Variants in PDIA4 observed in about 807,000 individuals in gnomAD.
PDIA4 encodes the protein protein disulfide isomerase family A member 4.
Under a neutral mutation model 62.1 loss-of-function variants are expected in PDIA4, and 33 were observed. The ratio of observed to expected loss-of-function variants is 0.53; its 90% confidence interval spans 0.40 to 0.71. PDIA4 has a LOEUF of 0.71. Ranked by LOEUF, PDIA4 falls within the 30% of genes least tolerant of loss-of-function variation. The pLI is 0.00. For missense variants in PDIA4, 804 were observed against 813.6 expected, an observed-to-expected ratio of 0.99 and a Z score of 0.14; for synonymous variants, 341 against 324.1, an observed-to-expected ratio of 1.05 and a Z score of -0.56.
intron 1 of PDIA4, among the ~76,000 whole-genome samples, chr7:149,027,278 T>C (rs564778825): frequency 6.6e-5 from 10 of 152,362 alleles, no homozygotes; most frequent in African/African-American, 1.7e-4. Flanking sequence ...AGTCCCGCTA[T>C]CGGATTCCTT....
chr7:149,009,436 C>T (rs1219811211), intron 6 of PDIA4, among the ~76,000 whole-genome samples: 1 of 152,244 alleles, frequency 6.6e-6, no homozygotes, highest in Non-Finnish European at 1.5e-5. Flanking sequence ...GAGCAGCACA[C>T]AGTCCTATAT....
At chr7:149,022,527 G>A (rs1194347446) in intron 1 of PDIA4, among the ~76,000 whole-genome samples, 2 of 152,134 alleles carry the variant, frequency 1.3e-5, no homozygotes, top group Non-Finnish European at 2.9e-5. Flanking sequence ...TTTCATTAAC[G>A]CTGAAGCCAG....
chr7:149,012,293 G>C lies in PDIA4; in HGVS notation c.682C>G (p.Pro228Ala), dbSNP rs763122880. The C allele has an allele frequency of 2.3e-5, 37 of 1,614,130 alleles. No homozygotes were observed. The highest frequency in any genetic ancestry group is 3.1e-5 in the Non-Finnish European group (37 of 1,180,016). Residue 228 changes from proline (P) to alanine (A), a missense_variant, in exon 5 of 10, where the codon CCT becomes GCT. By Grantham distance (27) the Pro-to-Ala change is conservative. Transcript: ENST00000652332. The stretch of plus-strand genomic sequence containing the variant: ...TCGACCTTTGCCAGGGGAATTGGAG[G>C]AGAACGCTTGCTGAGCTCCTTGGCG... ...KAAKELSKRS[P>A]PIPLAKVDAT...
At chr7:149,013,870 G>A (rs922949213) in intron 4 of PDIA4, among the ~76,000 whole-genome samples, 5 of 152,072 alleles carry the variant, frequency 3.3e-5, no homozygotes, top group Admixed American at 6.6e-5. Context: ...GCTCCTGAGC[G>A]AGCCACAAAG....
chr7:149,028,469 G>C lies in PDIA4; in HGVS notation c.-61C>G. The C allele has an allele frequency of 4.1e-6, 5 of 1,207,240 alleles. 1 individual carries two copies. In the South Asian group the frequency reaches 7.6e-5, roughly 18 times the overall value. 74.8% of individuals were successfully genotyped at this position (1,207,240 alleles called of 1,614,324 possible). ...CGGCCGCTGAGCGCACCGAGAACTCGGGGTCTGGCCGACAGCCCGTCGCTC... is the reference window on the plus strand; with the variant it reads ...CGGCCGCTGAGCGCACCGAGAACTCCGGGTCTGGCCGACAGCCCGTCGCTC... On this transcript the variant is annotated 5_prime_UTR_variant, in exon 1 of 10. Transcript: ENST00000652332.
chr7:149,025,968 C>A (rs1177763814), intron 1 of PDIA4, among the ~76,000 whole-genome samples: 1 of 152,100 alleles, frequency 6.6e-6, no homozygotes, highest in Non-Finnish European at 1.5e-5. Context: ...GAAAGCCCTG[C>A]AACCGGAGGC....
chr7:149,008,034 A>G, intron 7 of PDIA4, 125 bp downstream of exon 7: 1 of 896,730 alleles, frequency 1.1e-6, no homozygotes, highest in Non-Finnish European at 1.7e-6. Context: ...ACGGGCTGGA[A>G]AAGGAGTTCC....
Position 149,003,713 on chromosome 7 carries a change from T to C in PDIA4, c.*81A>G. On this transcript the variant is annotated 3_prime_UTR_variant, in exon 10 of 10. Transcript: ENST00000652332. The stretch of plus-strand genomic sequence containing the variant: ...AAGGAATCCGAGATACTGTCGTTTG[T>C]TGCCGGCCTCGGCGTGGACGCCCCG... 9.1e-7 allele frequency: 1 copy of C among 1,103,984 alleles called. No homozygotes were observed. 68.4% of individuals were successfully genotyped at this position (1,103,984 alleles called of 1,614,324 possible).
intron 1 of PDIA4, among the ~76,000 whole-genome samples, chr7:149,022,844 T>C (rs944837998): frequency 6.6e-6 from 1 of 152,130 alleles, no homozygotes; most frequent in African/African-American, 2.4e-5. Flanking sequence ...TGTCAACATG[T>C]ACCAATCTGC....
chr7:149,028,280 C>G (rs1479429027), intron 1 of PDIA4, 41 bp downstream of exon 1: 1 of 1,437,720 alleles, frequency 7.0e-7, no homozygotes, highest in East Asian at 2.6e-5. Context: ...CTCTGCAGCC[C>G]CCGCAAGCAC....
intron 3 of PDIA4, among the ~76,000 whole-genome samples, chr7:149,017,408 AC>A (rs1225356971): frequency 6.6e-6 from 1 of 152,030 alleles, no homozygotes; most frequent in Non-Finnish European, 1.5e-5. Flanking sequence ...ACATGGAGAA[AC>A]CCCGTCTCTA....
intron 2 of PDIA4, among the ~76,000 whole-genome samples, chr7:149,020,214 G>A (rs537003559): frequency 1.6e-4 from 24 of 152,254 alleles, no homozygotes; most frequent in Non-Finnish European, 2.9e-4. Context: ...GCCCGCCTTG[G>A]CCTCCCAAAG....
intron 6 of PDIA4, among the ~76,000 whole-genome samples, chr7:149,009,473 A>T (rs1301618060): frequency 6.6e-6 from 1 of 152,006 alleles, no homozygotes; most frequent in East Asian, 1.9e-4. Flanking sequence ...CACACCCAGC[A>T]CCCTTCGTGG....
rs1823957271 is a variant in PDIA4 at position 149,011,897 on chromosome 7, C to CGAT, written c.925_927dup (p.Ile309dup). The CGAT allele has an allele frequency of 6.2e-7, 1 of 1,605,376 alleles. No homozygotes were observed. The highest frequency in any genetic ancestry group is 1.3e-5 in the African/African-American group (1 of 74,690). On this transcript the variant is annotated inframe_insertion, in exon 6 of 10. Coordinates refer to ENST00000652332, the MANE Select transcript of PDIA4 (RefSeq NM_004911.5). ...GGGTCACTCTCCCCCTTAAAGACCC[C>CGAT]GATGATGATGACATCGTCTCCATCC...
rs540541761 is a variant in PDIA4 at position 149,005,501 on chromosome 7, T to C, written c.1289-127A>G. 145 of 656,916 alleles carry C rather than the reference T, an allele frequency of 2.2e-4. 1 individual carries two copies. The South Asian group carries it at 2.5e-3, about 11-fold the overall frequency. 40.7% of individuals were successfully genotyped at this position (656,916 alleles called of 1,614,324 possible). A position where few individuals can be genotyped will look rare whatever the true frequency, so the allele number is the denominator to read the frequency against. ...TGCTCAAACCCTGGATTTACCTCAA[T>C]TGGAGGGAAACATGTTTCTGGAAAA... On this transcript the variant is annotated intron_variant, in intron 8 of 9. Transcript: ENST00000652332.
At chr7:149,022,864 A>G (rs1824404296) in intron 1 of PDIA4, among the ~76,000 whole-genome samples, 1 of 152,180 alleles carries the variant, frequency 6.6e-6, no homozygotes, top group African/African-American at 2.4e-5. Flanking sequence ...CAAACTTTAC[A>G]AAAAAGCCAA....
At position 149,021,123 on chromosome 7, in the gene PDIA4, A is replaced by G. The variant is rs1481203442; in HGVS notation, c.113T>C (p.Ile38Thr). Residue 38 changes from isoleucine to threonine, a missense_variant, in exon 2 of 10, where the codon ATT (isoleucine) becomes ACT (threonine). Transcript: ENST00000652332. ...CTCCTCCTCCTCCTCTTCATCCTCA[A>G]TGGCATTTTCTCTGTTAGAAGAATC... The part of the protein sequence containing the change: ...DEDSSNRENA[I>T]EDEEEEEEED... The G allele has an allele frequency of 1.9e-6, 3 of 1,600,162 alleles. No homozygotes were observed. The highest frequency in any genetic ancestry group is 1.1e-5 in the South Asian group (1 of 89,284).
chr7:149,017,460 T>C lies in PDIA4; in HGVS notation c.475+1532A>G, dbSNP rs575603233. On this transcript the variant is annotated intron_variant, in intron 3 of 9. Transcript: ENST00000652332. ...TTAGCCGGGCGTGGTGGTGTGTCCC[T>C]GTAATCACAGCTACTCTGGAGGCTG... 7.9e-5 allele frequency among the ~76,000 whole-genome samples: 12 copies of C among 152,218 alleles called. No individual in the cohort carries two copies. In the East Asian group the frequency reaches 2.1e-3, roughly 27 times the overall value.
chr7:149,011,504 TCA>T (rs1281840346), intron 6 of PDIA4, among the ~76,000 whole-genome samples: 5 of 152,208 alleles, frequency 3.3e-5, no homozygotes, highest in Non-Finnish European at 5.9e-5. Context: ...CCACCTGTGG[TCA>T]CAGTGATAAT....
Sources: allele counts gnomAD v4.1 joint callset (sites outside exome capture counted in the v4.1 genomes callset), GRCh38; gene constraint gnomAD v4.1.1; transcripts MANE v1.5; gene names NCBI Gene and HGNC (gene_info 2026-07-23, HGNC 2026-07-21).